SLC46A3: variants seen among roughly 807,000 people sequenced by gnomAD.
The protein encoded by SLC46A3 is lysosomal proton-coupled steroid conjugate and bile acid symporter SLC46A3.
In SLC46A3, 26 loss-of-function variants were observed where a neutral mutation model predicts 38.5. That is an observed-to-expected ratio of 0.68 (90% CI 0.49 to 0.94). The LOEUF is 0.94. Among genes scored for constraint, SLC46A3 ranks in the 40% least tolerant of loss-of-function variants. The pLI is 0.00. For synonymous variants in SLC46A3, 185 were observed against 192.5 expected, an observed-to-expected ratio of 0.96 and a Z score of 0.32; for missense variants, 510 against 544.3, an observed-to-expected ratio of 0.94 and a Z score of 0.63.
At chr13:28,705,331 G>T (rs1460722207) in intron 4 of SLC46A3, among the ~76,000 whole-genome samples, 1 of 152,046 alleles carries the variant, frequency 6.6e-6, no homozygotes, top group Non-Finnish European at 1.5e-5. Context: ...CAAGCTTGAG[G>T]GTTATCTTTC....
In SLC46A3 at chr13:28,718,956, T is replaced by TG. The variant is rs1317752656; in HGVS notation, c.-486dup. The TG allele has an allele frequency of 6.6e-6, 1 of 152,270 alleles. No individual in the cohort carries two copies. Among genetic ancestry groups the TG allele is most frequent in the Admixed American group, 6.5e-5 (1 of 15,290 alleles). 9.4% of individuals were successfully genotyped at this position (152,270 alleles called of 1,614,324 possible). A position where few individuals can be genotyped will look rare whatever the true frequency, so the allele number is the denominator to read the frequency against. ...AGGCGATGACTCGGCCGCAGCCAGC[T>TG]GAGCATCGCTGTCCGCCGAGGAGGC... On this transcript the variant is annotated 5_prime_UTR_variant, in exon 1 of 6. An upstream open reading frame in the 5' UTR loses its in-frame stop. Transcript: ENST00000266943.
chr13:28,705,874 T>C (rs1885160975), intron 4 of SLC46A3, among the ~76,000 whole-genome samples: 1 of 152,226 alleles, frequency 6.6e-6, no homozygotes, highest in Non-Finnish European at 1.5e-5. Flanking sequence ...TGCACAGTAC[T>C]AGTTCTATTA....
chr13:28,701,419 G>T lies in SLC46A3; in HGVS notation c.*78C>A. The T allele has an allele frequency of 6.4e-7, 1 of 1,562,020 alleles. No homozygotes were observed. Among genetic ancestry groups the T allele is most frequent in the Admixed American group, 2.0e-5 (1 of 49,980 alleles). The stretch of plus-strand genomic sequence containing the variant: ...GGTTCTCAGTGAAGCACTGATTGTG[G>T]AATTCATTTATAGTCTTCAGAAGTC... On this transcript the variant is annotated 3_prime_UTR_variant, in exon 6 of 6. Coordinates refer to ENST00000266943, the MANE Select transcript of SLC46A3 (RefSeq NM_181785.4).
At chr13:28,707,075 A>G (rs1305603497) in intron 4 of SLC46A3, among the ~76,000 whole-genome samples, 7 of 152,140 alleles carry the variant, frequency 4.6e-5, no homozygotes, top group African/African-American at 1.4e-4. Context: ...ATTATAAAAC[A>G]TGCTGCTATA....
chr13:28,710,112 C>T (rs191260312), intron 4 of SLC46A3, among the ~76,000 whole-genome samples: 6 of 152,292 alleles, frequency 3.9e-5, no homozygotes, highest in African/African-American at 9.6e-5. Flanking sequence ...GATTCTCAGA[C>T]GTTTTCAGAA....
intron 4 of SLC46A3, among the ~76,000 whole-genome samples, chr13:28,706,139 T>C (rs561348783): frequency 1.3e-5 from 2 of 152,274 alleles, no homozygotes; most frequent in South Asian, 2.1e-4. Flanking sequence ...CAATTTATAA[T>C]AACAAGGAGT....
intron 3 of SLC46A3, among the ~76,000 whole-genome samples, chr13:28,711,230 G>A (rs187936333): frequency 6.6e-6 from 1 of 152,258 alleles, no homozygotes; most frequent in Admixed American, 6.5e-5. Context: ...TTCGAGACCA[G>A]CCTGACCAAC....
At chr13:28,706,139 TAAC>T (rs1360546999) in intron 4 of SLC46A3, among the ~76,000 whole-genome samples, 4 of 152,156 alleles carry the variant, frequency 2.6e-5, no homozygotes, top group African/African-American at 9.7e-5. Context: ...CAATTTATAA[TAAC>T]AAGGAGTATA....
chr13:28,700,496 T>C lies in SLC46A3; in HGVS notation c.*1001A>G, dbSNP rs4769636. ...ATCATTTTCCTATGAGTGACCGTGT[T>C]GACGGATTCAAATTTAAGGAGTACA... On this transcript the variant is annotated 3_prime_UTR_variant, in exon 6 of 6. Transcript: ENST00000266943. The C allele has an allele frequency of 0.46, 71,347 of 154,988 alleles. 16,927 individuals are homozygous for C. The highest frequency in any genetic ancestry group is 0.67 in the East Asian group (3,490 of 5,236). 9.6% of individuals were successfully genotyped at this position (154,988 alleles called of 1,614,324 possible).
At chr13:28,715,116 CAG>C (rs1303496032) in intron 2 of SLC46A3, among the ~76,000 whole-genome samples, 1 of 152,170 alleles carries the variant, frequency 6.6e-6, no homozygotes, top group Admixed American at 6.5e-5. Context: ...AAGGAGCAAA[CAG>C]AGAGTAGGCC....
chr13:28,707,934 A>G (rs1885223100), intron 4 of SLC46A3, among the ~76,000 whole-genome samples: 1 of 152,228 alleles, frequency 6.6e-6, no homozygotes, highest in African/African-American at 2.4e-5. Flanking sequence ...AAATGACAAT[A>G]TGTGGCCTTT....
chr13:28,712,324 T>A (rs143489410), intron 3 of SLC46A3, among the ~76,000 whole-genome samples: 202 of 152,326 alleles, frequency 1.3e-3, no homozygotes, highest in Middle Eastern at 6.8e-3. Context: ...TTAGTATACT[T>A]TATATCATTG....
At chr13:28,707,082 T>C (rs1441321216) in intron 4 of SLC46A3, among the ~76,000 whole-genome samples, 2 of 152,244 alleles carry the variant, frequency 1.3e-5, no homozygotes, top group Non-Finnish European at 1.5e-5. Context: ...AACATGCTGC[T>C]ATAAAGGCAC....
At chr13:28,708,391 T>C (rs1885238239) in intron 4 of SLC46A3, among the ~76,000 whole-genome samples, 1 of 152,230 alleles carries the variant, frequency 6.6e-6, no homozygotes, top group Non-Finnish European at 1.5e-5. Flanking sequence ...ATTTCCCTGA[T>C]GGCTAATGAT....
intron 3 of SLC46A3, among the ~76,000 whole-genome samples, chr13:28,711,360 G>A (rs1167122139): frequency 4.0e-5 from 6 of 151,240 alleles, no homozygotes; most frequent in Admixed American, 4.0e-4. Flanking sequence ...GGAGGTGGAG[G>A]TTGCAGTGAG....
At chr13:28,704,155 A>G (rs1452633851) in intron 4 of SLC46A3, 56 bp from the exon 5 acceptor site, 1 of 1,477,190 alleles carries the variant, frequency 6.8e-7, no homozygotes, top group South Asian at 1.2e-5. Flanking sequence ...TTACAAAACA[A>G]CAAACACAAA....
In SLC46A3 at chr13:28,701,044, A is replaced by G. The variant is rs562868651; in HGVS notation, c.*453T>C. ...TTTTCCTACCAATGAGTGATTCATC[A>G]TAATTTTCATTATGCCTTCAAAATT... On this transcript the variant is annotated 3_prime_UTR_variant, in exon 6 of 6. Coordinates refer to ENST00000266943, the MANE Select transcript of SLC46A3 (RefSeq NM_181785.4). 9.8e-5 allele frequency: 148 copies of G among 1,510,012 alleles called. No individual in the cohort carries two copies. The highest frequency in any genetic ancestry group is 1.2e-4 in the Non-Finnish European group (138 of 1,127,912). The allele number at this position is 1,510,012 out of a possible 1,614,324, so 93.5% of individuals were successfully genotyped here.
chr13:28,706,030 A>G (rs770743050), intron 4 of SLC46A3, among the ~76,000 whole-genome samples: 10 of 152,214 alleles, frequency 6.6e-5, no homozygotes, highest in Non-Finnish European at 1.5e-4. Context: ...GCCAGAGATA[A>G]AACAGGATTA....
At chr13:28,709,509 T>C (rs1267387238) in intron 4 of SLC46A3, among the ~76,000 whole-genome samples, 1 of 152,202 alleles carries the variant, frequency 6.6e-6, no homozygotes, top group African/African-American at 2.4e-5. Context: ...TGCCAATGTC[T>C]AATAAGATTC....
Sources: gnomAD v4.1 joint callset for allele counts (sites outside exome capture counted in the v4.1 genomes callset) on GRCh38, gnomAD v4.1.1 for gene constraint, MANE v1.5 for transcripts, NCBI Gene and HGNC (gene_info 2026-07-23, HGNC 2026-07-21) for gene names.